SPATA17: variants seen among roughly 807,000 people sequenced by gnomAD.
SPATA17 encodes spermatogenesis associated 17.
A neutral mutation model predicts 62.2 loss-of-function variants in SPATA17; 53 were observed. The observed-to-expected ratio is 0.85, with a 90% CI of 0.68 to 1.07. The LOEUF is 1.07. SPATA17 is among the 50% of genes least tolerant of loss of function. The pLI, the probability that SPATA17 is intolerant of heterozygous loss-of-function variation, is 0.00. For synonymous variants in SPATA17, 146 were observed against 146.8 expected, an observed-to-expected ratio of 0.99 and a Z score of 0.04; for missense variants, 466 against 425.5, an observed-to-expected ratio of 1.10 and a Z score of -0.84.
intron 1 of SPATA17, among the ~76,000 whole-genome samples, chr1:217,635,591 C>T (rs1180455392): frequency 3.9e-5 from 6 of 152,042 alleles, no homozygotes; most frequent in Non-Finnish European, 5.9e-5. Context: ...GTAGTCCCAA[C>T]TACTCGAGAG....
intron 5 of SPATA17, among the ~76,000 whole-genome samples, chr1:217,712,390 C>T (rs1171307430): frequency 6.6e-5 from 10 of 151,960 alleles, no homozygotes; most frequent in African/African-American, 1.2e-4. Flanking sequence ...CCTCCCAAAG[C>T]GCTGGGATTA....
chr1:217,634,186 G>T (rs772934161), intron 1 of SPATA17, among the ~76,000 whole-genome samples: 16 of 152,196 alleles, frequency 1.1e-4, no homozygotes, highest in South Asian at 6.2e-4. Flanking sequence ...CACCTTGCCT[G>T]TTGCCTAGAC....
intron 2 of SPATA17, among the ~76,000 whole-genome samples, chr1:217,650,097 G>T (rs1670276025): frequency 6.6e-6 from 1 of 151,886 alleles, no homozygotes; most frequent in Non-Finnish European, 1.5e-5. Flanking sequence ...GTGCCACCAT[G>T]CCTGGATAAT....
intron 3 of SPATA17, among the ~76,000 whole-genome samples, chr1:217,652,358 A>C (rs778444842): frequency 6.6e-6 from 1 of 152,082 alleles, no homozygotes; most frequent in Non-Finnish European, 1.5e-5. Flanking sequence ...TAGCTTTCTG[A>C]GTAGCTGGGA....
intron 6 of SPATA17, 83 bp downstream of exon 6, chr1:217,742,181 C>A: frequency 1.3e-6 from 2 of 1,516,356 alleles, no homozygotes; most frequent in South Asian, 1.2e-5. Context: ...CTGAATGGGA[C>A]ATGACTTGTT....
chr1:217,781,574 A>C, intron 7 of SPATA17, among the ~76,000 whole-genome samples: 1 of 152,208 alleles, frequency 6.6e-6, no homozygotes, highest in South Asian at 2.1e-4. Flanking sequence ...TTGTGTCATC[A>C]AAAGGTTGCT....
intron 4 of SPATA17, among the ~76,000 whole-genome samples, chr1:217,677,916 T>A (rs1343209581): frequency 6.6e-6 from 1 of 152,182 alleles, no homozygotes; most frequent in Admixed American, 6.6e-5. Context: ...CATATGATAA[T>A]ATTTTATGTA....
chr1:217,636,628 T>C (rs1015245129), intron 1 of SPATA17, among the ~76,000 whole-genome samples: 17 of 152,156 alleles, frequency 1.1e-4, no homozygotes, highest in Admixed American at 6.5e-5. Context: ...TTCGCTATGT[T>C]GGTCAGGCTG....
At chr1:217,787,293 G>A (rs557947332) in intron 8 of SPATA17, among the ~76,000 whole-genome samples, 2 of 152,064 alleles carry the variant, frequency 1.3e-5, no homozygotes, top group African/African-American at 2.4e-5. Context: ...TCGATTATGC[G>A]ATTATTATTC....
At chr1:217,644,326 A>G (rs1271831740) in intron 1 of SPATA17, among the ~76,000 whole-genome samples, 1 of 152,222 alleles carries the variant, frequency 6.6e-6, no homozygotes, top group African/African-American at 2.4e-5. Context: ...CACAAAATAT[A>G]GATTAAGTAT....
At chr1:217,667,895 A>G (rs1670738620) in intron 3 of SPATA17, among the ~76,000 whole-genome samples, 1 of 152,250 alleles carries the variant, frequency 6.6e-6, no homozygotes, top group South Asian at 2.1e-4. Context: ...TGTAAATAAC[A>G]TATTGCAGCC....
intron 4 of SPATA17, among the ~76,000 whole-genome samples, chr1:217,682,989 C>T (rs546887256): frequency 3.3e-5 from 5 of 151,648 alleles, no homozygotes; most frequent in Admixed American, 3.3e-4. Flanking sequence ...TTTTATAAAT[C>T]TTTCAATAGT....
intron 5 of SPATA17, among the ~76,000 whole-genome samples, chr1:217,704,680 C>T (rs1329522843): frequency 6.6e-6 from 1 of 152,154 alleles, no homozygotes; most frequent in South Asian, 2.1e-4. Context: ...CGTTAGTTCT[C>T]TTAGGATAAT....
At chr1:217,707,158 C>T (rs1019633033) in intron 5 of SPATA17, among the ~76,000 whole-genome samples, 3 of 152,164 alleles carry the variant, frequency 2.0e-5, no homozygotes, top group Admixed American at 1.3e-4. Flanking sequence ...AGCCACCATG[C>T]CTGGCCCTGT....
At chr1:217,854,031 A>G (rs1000296886) in intron 9 of SPATA17, among the ~76,000 whole-genome samples, 1 of 152,208 alleles carries the variant, frequency 6.6e-6, no homozygotes, top group Non-Finnish European at 1.5e-5. Context: ...CCTCATGGTC[A>G]GAACAAATTT....
intron 5 of SPATA17, among the ~76,000 whole-genome samples, chr1:217,733,006 C>A (rs906588068): frequency 6.6e-6 from 1 of 151,746 alleles, no homozygotes; most frequent in Non-Finnish European, 1.5e-5. Flanking sequence ...TTCAAAAATG[C>A]CAGAAGCAGA....
At chr1:217,858,039 C>T (rs975209227) in intron 9 of SPATA17, among the ~76,000 whole-genome samples, 1 of 151,918 alleles carries the variant, frequency 6.6e-6, no homozygotes, top group Admixed American at 6.6e-5. Flanking sequence ...CAGATGAGTC[C>T]AAAATTAAGT....
At position 217,864,904 on chromosome 1, in the gene SPATA17, T is replaced by C. The variant is rs12239094; in HGVS notation, c.*2+2048T>C. Among the ~76,000 whole-genome samples the C allele has an allele frequency of 5.0e-3, 759 of 151,614 alleles. 7 individuals carry two copies. The highest frequency in any genetic ancestry group is 0.017 in the African/African-American group (697 of 41,272). On this transcript the variant is annotated intron_variant, in intron 10 of 10. Coordinates refer to ENST00000366933, the MANE Select transcript of SPATA17 (RefSeq NM_138796.4). ...GATGAGTAACAAATGGTGTAGATTA[T>C]TTTTAATTAAAAAGAATGTGCAATG...
Position 217,862,849 on chromosome 1 carries a change from G to A in SPATA17, c.1081G>A (p.Val361Ile). ...ATTATATTCAAAAGCTGGACAGATT[G>A]TATAAAGGTATGACTTTTTGCTAAG... ...GKLYSKAGQIV is the reference protein window; with the variant it reads ...GKLYSKAGQII The change falls in exon 10 of 11, where the codon GTA becomes ATA. Residue 361 changes from valine (V) to isoleucine (I), a missense_variant. Coordinates refer to ENST00000366933, the MANE Select transcript of SPATA17 (RefSeq NM_138796.4). 3 of 1,593,462 alleles carry A rather than the reference G, an allele frequency of 1.9e-6. No homozygotes were observed. The South Asian group carries it at 3.4e-5, about 18-fold the overall frequency.
Sources: gnomAD v4.1 joint callset for allele counts (sites outside exome capture counted in the v4.1 genomes callset) on GRCh38, gnomAD v4.1.1 for gene constraint, MANE v1.5 for transcripts, NCBI Gene and HGNC (gene_info 2026-07-23, HGNC 2026-07-21) for gene names.